FGF13: variants seen among roughly 807,000 people sequenced by gnomAD.
The protein encoded by FGF13 is fibroblast growth factor 13.
FGF13 carries 2 observed loss-of-function variants against 19.5 expected under a neutral mutation model. The observed-to-expected ratio is 0.10, with a 90% CI of 0.04 to 0.32. FGF13 has a LOEUF of 0.32. FGF13 is among the 10% of genes least tolerant of loss of function. The probability of loss-of-function intolerance (pLI) is 1.00; values close to 1 mark genes in which losing one functional copy is unlikely to be tolerated. For missense variants in FGF13, 113 were observed against 192.7 expected (o/e 0.59, Z 2.45); for synonymous variants, 72 against 76.9 (o/e 0.94, Z 0.33).
intron 1 of FGF13, among the ~76,000 whole-genome samples, chrX:139,075,178 T>C (rs1219513718): frequency 8.9e-6 from 1 of 111,988 alleles, no homozygotes; most frequent in Non-Finnish European, 1.9e-5. Flanking sequence ...GTCCAGGATT[T>C]GAACCCAGGG....
At chrX:139,092,467 T>C (rs963686631) in intron 1 of FGF13, among the ~76,000 whole-genome samples, 2 of 112,309 alleles carry the variant, frequency 1.8e-5, no homozygotes, top group African/African-American at 6.5e-5. Context: ...GCCAGCCAGT[T>C]CAAACAACAG....
At chrX:139,200,396 T>A (rs1302877711) in intron 1 of FGF13, among the ~76,000 whole-genome samples, 1 of 112,004 alleles carries the variant, frequency 8.9e-6, no homozygotes, top group African/African-American at 3.3e-5. Flanking sequence ...TTCAGTAGGA[T>A]AGGATAGAAA....
At chrX:138,642,541 T>G (rs1602645865) in intron 3 of FGF13, among the ~76,000 whole-genome samples, 1 of 111,768 alleles carries the variant, frequency 8.9e-6, no homozygotes, top group East Asian at 2.8e-4. Flanking sequence ...GGATTGCTTC[T>G]GATAATACGG....
chrX:138,961,338 G>A (rs926648902), intron 1 of FGF13, among the ~76,000 whole-genome samples: 23 of 111,545 alleles, frequency 2.1e-4, no homozygotes, highest in African/African-American at 4.6e-4. Flanking sequence ...TATCACCAGC[G>A]GAGGCTGCAG....
intron 3 of FGF13, among the ~76,000 whole-genome samples, chrX:138,780,372 A>G (rs1183049728): frequency 2.8e-4 from 26 of 93,895 alleles, no homozygotes; most frequent in Non-Finnish European, 2.3e-4. Flanking sequence ...AGACTGGCAA[A>G]TTGGATAAAG....
At chrX:139,111,886 CT>C (rs1384272299) in intron 1 of FGF13, among the ~76,000 whole-genome samples, 5 of 111,973 alleles carry the variant, frequency 4.5e-5, no homozygotes. Flanking sequence ...TAGATTAAAA[CT>C]TAATCATTAA....
intron 3 of FGF13, among the ~76,000 whole-genome samples, chrX:138,849,707 A>G (rs772913621): frequency 9.0e-6 from 1 of 111,695 alleles, no homozygotes; most frequent in South Asian, 3.8e-4. Context: ...CTGGGAAGAG[A>G]AAAAAACTCC....
rs35078012 is a variant in FGF13 at position 138,913,182 on chromosome X, C to CTTTT, written c.-112-48536_-112-48533dup. Reference sequence around the variant, plus strand: ...TGCACCTGGAAAGAAAAAGCATCTACTTTTTTTTTTTTTTTTTTTTTTTTT... The same window carrying CTTTT: ...TGCACCTGGAAAGAAAAAGCATCTACTTTTTTTTTTTTTTTTTTTTTTTTTTTTT... On this transcript the variant is annotated intron_variant, in intron 1 of 2. Transcript: ENST00000421460. Among the ~76,000 whole-genome samples the CTTTT allele has an allele frequency of 9.8e-3, 362 of 37,084 alleles. 80 individuals are homozygous for CTTTT. The highest frequency in any genetic ancestry group is 0.035 in the African/African-American group (279 of 8,006). The allele number at this position is 37,084 out of a possible 115,157, so 32.2% of individuals were successfully genotyped here.
chrX:138,804,565 C>T (rs2090852222), intron 3 of FGF13, among the ~76,000 whole-genome samples: 1 of 112,114 alleles, frequency 8.9e-6, no homozygotes, highest in Non-Finnish European at 1.9e-5. Context: ...TACACATTCA[C>T]ACAAACACAC....
chrX:139,135,882 C>T (rs1009481526), intron 1 of FGF13, among the ~76,000 whole-genome samples: 8 of 111,458 alleles, frequency 7.2e-5, no homozygotes, highest in African/African-American at 1.3e-4. Context: ...AGTCCTATCA[C>T]GTCCTTCATC....
intron 2 of FGF13, among the ~76,000 whole-genome samples, chrX:138,705,803 T>G (rs146315455): frequency 0.048 from 5,377 of 112,387 alleles, 282 homozygotes; most frequent in African/African-American, 0.16. Flanking sequence ...ATGGATTTAA[T>G]ATATTATTTT....
At position 139,036,582 on chromosome X, in the gene FGF13, G is replaced by T. The variant is rs373910113; in HGVS notation, c.-113+166834C>A. 9.9e-5 allele frequency among the ~76,000 whole-genome samples: 11 copies of T among 111,386 alleles called. No individual in the cohort carries two copies. In the East Asian group the frequency reaches 3.1e-3, roughly 32 times the overall value. Reference sequence around the variant, plus strand: ...TCCTCAAAAGCCCTAGGTTTCTGGGGCTTGCTCCAAACATGGGTTTGAAAA... The same window carrying T: ...TCCTCAAAAGCCCTAGGTTTCTGGGTCTTGCTCCAAACATGGGTTTGAAAA... On this transcript the variant is annotated intron_variant, in intron 1 of 2. Transcript: ENST00000421460.
chrX:139,015,513 G>T (rs1430578282), intron 1 of FGF13, among the ~76,000 whole-genome samples: 1 of 110,388 alleles, frequency 9.1e-6, no homozygotes, highest in Non-Finnish European at 1.9e-5. Flanking sequence ...AGAAGTAAAA[G>T]ATCTCTATAA....
chrX:139,069,460 G>T (rs955590992), intron 1 of FGF13, among the ~76,000 whole-genome samples: 1 of 79,418 alleles, frequency 1.3e-5, no homozygotes, highest in African/African-American at 4.7e-5. Flanking sequence ...CTGGGGACTG[G>T]TGGGGGGTGG....
In FGF13 at chrX:138,615,149, T is replaced by C. The variant is rs771882984; in HGVS notation, c.*17701A>G. 5 of 110,730 alleles carry C rather than the reference T, an allele frequency of 4.5e-5. No homozygotes were observed. In the East Asian group the frequency reaches 8.5e-4, roughly 19 times the overall value. The allele number at this position is 110,730 out of a possible 1,213,427, so 9.1% of individuals were successfully genotyped here. On this transcript the variant is annotated 3_prime_UTR_variant, in exon 5 of 5. Coordinates refer to ENST00000315930, the MANE Select transcript of FGF13 (RefSeq NM_004114.5). ...ACCCAAATATACACATGTGGTAAAA[T>C]TGCATAGACCTACACACATAAACGT...
chrX:138,796,326 T>C (rs1160578150), intron 3 of FGF13, among the ~76,000 whole-genome samples: 1 of 111,798 alleles, frequency 8.9e-6, no homozygotes, highest in Non-Finnish European at 1.9e-5. Flanking sequence ...AGGTATTTGG[T>C]TTTCCATTCC....
intron 1 of FGF13, among the ~76,000 whole-genome samples, chrX:138,729,869 A>G (rs974714191): frequency 9.0e-6 from 1 of 111,580 alleles, no homozygotes; most frequent in Admixed American, 9.5e-5. Context: ...GGGAAAGAAG[A>G]CAATGGAATA....
At chrX:138,793,446 A>C (rs2090756546) in intron 3 of FGF13, among the ~76,000 whole-genome samples, 1 of 111,515 alleles carries the variant, frequency 9.0e-6, no homozygotes, top group African/African-American at 3.3e-5. Context: ...TTCAGGGTGC[A>C]GGCCAAACTT....
Position 139,109,845 on chromosome X carries a change from T to A in FGF13, c.-113+93571A>T, listed in dbSNP as rs190877211. 1.8e-3 allele frequency among the ~76,000 whole-genome samples: 197 copies of A among 111,704 alleles called. 2 individuals carry two copies. Among genetic ancestry groups the A allele is most frequent in the Admixed American group, 3.7e-3 (39 of 10,534 alleles). On this transcript the variant is annotated intron_variant, in intron 1 of 2. Transcript: ENST00000421460. ...ATATAAACTGGAAAGAATTTAGAGATCATTGAGTCCAAGCCCTTCATTTCT... is the reference window on the plus strand; with the variant it reads ...ATATAAACTGGAAAGAATTTAGAGAACATTGAGTCCAAGCCCTTCATTTCT...
Sources: gnomAD v4.1 joint callset for allele counts (sites outside exome capture counted in the v4.1 genomes callset) on GRCh38, gnomAD v4.1.1 for gene constraint, MANE v1.5 for transcripts, NCBI Gene and HGNC (gene_info 2026-07-23, HGNC 2026-07-21) for gene names.